TTC39A: variants seen among roughly 807,000 people sequenced by gnomAD.
TTC39A encodes tetratricopeptide repeat protein 39A.
Under a neutral mutation model 82.3 loss-of-function variants are expected in TTC39A, and 46 were observed. The ratio of observed to expected loss-of-function variants is 0.56; its 90% CI spans 0.44 to 0.71. The LOEUF is 0.71. TTC39A is among the 30% of genes least tolerant of loss of function. TTC39A has a pLI of 0.00. For missense variants in TTC39A, 543 were observed against 712.9 expected, an observed-to-expected ratio of 0.76 and a Z score of 2.71; for synonymous variants, 254 against 275.2, an observed-to-expected ratio of 0.92 and a Z score of 0.76.
In TTC39A at chr1:51,288,373, G is replaced by C; in HGVS notation, c.1611-93C>G. ...AGCTGTATGAGCCCCGCGAGCCAAG[G>C]AAGGATTGTAGAGAAATTAATGTGT... is the stretch of plus-strand genomic sequence containing the variant. On this transcript the variant is annotated intron_variant, in intron 17 of 17. Transcript: ENST00000680483. The surrounding 1 kb of genome is among the most constrained non-coding windows in gnomAD (Gnocchi z 4.8). The C allele has an allele frequency of 6.3e-7, 1 of 1,578,004 alleles. No individual in the cohort carries two copies. The highest frequency in any genetic ancestry group is 2.2e-5 in the East Asian group (1 of 44,568).
chr1:51,343,974 G>A (rs1326655801), intron 1 of TTC39A, among the ~76,000 whole-genome samples: 1 of 152,200 alleles, frequency 6.6e-6, no homozygotes, highest in Non-Finnish European at 1.5e-5. Flanking sequence ...GAAAGGGAGA[G>A]ACAGGAGGAG....
Position 51,330,145 on chromosome 1 carries a change from G to C in TTC39A, c.41+292C>G, listed in dbSNP as rs895170979. 1.0e-6 allele frequency: 1 copy of C among 985,452 alleles called. No individual in the cohort carries two copies. Among genetic ancestry groups the C allele is most frequent in the Non-Finnish European group, 1.2e-6 (1 of 830,038 alleles). 61.0% of individuals were successfully genotyped at this position (985,452 alleles called of 1,614,324 possible). On this transcript the variant is annotated intron_variant, in intron 1 of 17. Transcript: ENST00000680483. The surrounding 1 kb of genome is among the most constrained non-coding windows in gnomAD (Gnocchi z 4.5). Reference sequence around the variant, plus strand: ...CACCCCACAGGAGTGAACGCCACGAGGCAGGTGGGGAAGGCTGCTCTGAAC... The same window carrying C: ...CACCCCACAGGAGTGAACGCCACGACGCAGGTGGGGAAGGCTGCTCTGAAC...
intron 1 of TTC39A, among the ~76,000 whole-genome samples, chr1:51,323,607 T>G (rs997806454): frequency 1.5e-4 from 23 of 152,232 alleles, no homozygotes; most frequent in South Asian, 8.3e-4. Flanking sequence ...CTCTGTTAGA[T>G]CCTGAGTAAT....
intron 1 of TTC39A, among the ~76,000 whole-genome samples, chr1:51,322,574 AAATGAATG>A (rs140876899): frequency 0.16 from 23,311 of 149,694 alleles, 2,041 homozygotes; most frequent in African/African-American, 0.23. Flanking sequence ...TCTGTTAGGT[AAATGAATG>A]AATGAATGAA....
At chr1:51,291,005 T>A (rs1048184317) in intron 14 of TTC39A, among the ~76,000 whole-genome samples, 7 of 152,208 alleles carry the variant, frequency 4.6e-5, no homozygotes, top group Admixed American at 2.6e-4. Context: ...CCATGCTCCA[T>A]ACACACATTT....
chr1:51,326,440 A>G (rs886878701), intron 1 of TTC39A, among the ~76,000 whole-genome samples: 10 of 152,184 alleles, frequency 6.6e-5, no homozygotes, highest in Non-Finnish European at 1.2e-4. Flanking sequence ...GGCCAGCTAA[A>G]TGGAGGGGTG....
chr1:51,309,619 A>T (rs953153726), intron 5 of TTC39A, among the ~76,000 whole-genome samples: 4 of 152,112 alleles, frequency 2.6e-5, no homozygotes, highest in Non-Finnish European at 5.9e-5. Context: ...GCGAGAAAGG[A>T]GGGGGGATGC....
At chr1:51,338,599 T>C in intron 1 of TTC39A, among the ~76,000 whole-genome samples, 1 of 111,424 alleles carries the variant, frequency 9.0e-6, no homozygotes, top group African/African-American at 3.5e-5. Context: ...GAGATTTATC[T>C]TTTTTTTTTT....
chr1:51,319,469 C>T (rs1485476764), intron 2 of TTC39A, among the ~76,000 whole-genome samples: 1 of 152,090 alleles, frequency 6.6e-6, no homozygotes, highest in Non-Finnish European at 1.5e-5. Flanking sequence ...ACCCGCATAA[C>T]AATCCAGGAT....
At chr1:51,322,119 C>A (rs1645549033) in intron 1 of TTC39A, 17 of 1,552,676 alleles carry the variant, frequency 1.1e-5, no homozygotes, top group Non-Finnish European at 1.5e-5. Context: ...TGATCTTACC[C>A]TCCACAAGGG....
intron 5 of TTC39A, 64 bp from the exon 6 acceptor site, chr1:51,309,389 A>T (rs1557720705): frequency 6.2e-7 from 1 of 1,611,230 alleles, no homozygotes; most frequent in East Asian, 2.2e-5. Flanking sequence ...GAGAGGGATC[A>T]TGCAAGGCTC....
rs1644152539 is a variant in TTC39A, at chr1:51,290,248, G to A, written c.1379-129C>T. ...CAGACACAGTCCCTGTCCTCAGCAG[G>A]GGTCACATCTAAGAAGGAAAGGCAA... On this transcript the variant is annotated intron_variant, in intron 15 of 17. Coordinates refer to ENST00000680483, the MANE Select transcript of TTC39A (RefSeq NM_001297663.2). 3.6e-6 allele frequency: 3 copies of A among 840,096 alleles called. No homozygotes were observed. In the Admixed American group the frequency reaches 8.1e-5, roughly 23 times the overall value. 52.0% of individuals were successfully genotyped at this position (840,096 alleles called of 1,614,324 possible). A position where few individuals can be genotyped will look rare whatever the true frequency, so the allele number is the denominator to read the frequency against.
chr1:51,338,397 T>C (rs1430518612), intron 1 of TTC39A, among the ~76,000 whole-genome samples: 1 of 152,062 alleles, frequency 6.6e-6, no homozygotes, highest in Non-Finnish European at 1.5e-5. Flanking sequence ...ACATGCTGGC[T>C]GTTGGGGCAC....
At chr1:51,329,698 C>T (rs1645834099) in intron 1 of TTC39A, 1 of 152,382 alleles carries the variant, frequency 6.6e-6, no homozygotes, top group South Asian at 2.1e-4. Context: ...TCCCAGCAGT[C>T]AGGGCTCCTA....
chr1:51,344,927 G>A, intron 1 of TTC39A: 3 of 1,513,962 alleles, frequency 2.0e-6, no homozygotes, highest in Non-Finnish European at 1.8e-6. Context: ...ACGTCGGCTG[G>A]GTCCTCCGGC....
chr1:51,324,206 T>TG (rs1401703232), intron 1 of TTC39A, among the ~76,000 whole-genome samples: 1 of 152,166 alleles, frequency 6.6e-6, no homozygotes, highest in Non-Finnish European at 1.5e-5. Context: ...ACTTTGCTGG[T>TG]GGGGGCGGAC....
rs1244691280 is a variant in TTC39A at position 51,287,717 on chromosome 1, G to A, written c.*440C>T. 1.8e-5 allele frequency: 3 copies of A among 167,992 alleles called. No individual in the cohort carries two copies. 10.4% of individuals were successfully genotyped at this position (167,992 alleles called of 1,614,324 possible). On this transcript the variant is annotated 3_prime_UTR_variant, in exon 18 of 18. Coordinates refer to ENST00000680483, the MANE Select transcript of TTC39A (RefSeq NM_001297663.2). ...CTTCCGTCACACAAGCTGAGAACTTGCTGAATTTGAAAAGCAATTTGCCCT... is the reference window on the plus strand; with the variant it reads ...CTTCCGTCACACAAGCTGAGAACTTACTGAATTTGAAAAGCAATTTGCCCT...
upstream of TTC39A, among the ~76,000 whole-genome samples, chr1:51,335,831 A>G (rs1445816897): frequency 6.6e-6 from 1 of 152,148 alleles, no homozygotes; most frequent in Non-Finnish European, 1.5e-5. Context: ...ATTGTTGTAG[A>G]AAGAGCTTAA....
At chr1:51,319,606 G>T (rs1016636136) in intron 2 of TTC39A, among the ~76,000 whole-genome samples, 1 of 151,972 alleles carries the variant, frequency 6.6e-6, no homozygotes, top group Admixed American at 6.6e-5. Context: ...GTAAATGCTA[G>T]AACACTGAAG....
Sources: allele counts gnomAD v4.1 joint callset (sites outside exome capture counted in the v4.1 genomes callset), GRCh38; gene constraint gnomAD v4.1.1; non-coding constraint Gnocchi (gnomAD v3.1); transcripts MANE v1.5; gene names NCBI Gene and HGNC (gene_info 2026-07-23, HGNC 2026-07-21).